WDR72: variants seen among roughly 807,000 people sequenced by gnomAD.
WDR72 encodes WD repeat domain 72.
In WDR72, 120 loss-of-function variants were observed where a neutral mutation model predicts 124.2. The ratio of observed to expected loss-of-function variants is 0.97; its 90% CI spans 0.83 to 1.12. The LOEUF (loss-of-function observed/expected upper bound fraction) is 1.12, where lower values mean the gene tolerates loss of function less well. Ranked by LOEUF, WDR72 falls within the 50% of genes most tolerant of loss-of-function variation. The probability of loss-of-function intolerance (pLI) is 0.00; values close to 1 mark genes in which losing one functional copy is unlikely to be tolerated. For synonymous variants in WDR72, 452 were observed against 441.7 expected (o/e 1.02, Z -0.29); for missense variants, 1,387 against 1,278.8 (o/e 1.08, Z -1.29).
In WDR72 at chr15:53,514,617, T is replaced by C. The variant is rs1393855740; in HGVS notation, c.*3082A>G. 6.6e-6 allele frequency: 1 copy of C among 152,184 alleles called. No homozygotes were observed. Among genetic ancestry groups the C allele is most frequent in the Admixed American group, 6.5e-5 (1 of 15,278 alleles). The allele number at this position is 152,184 out of a possible 1,614,324, so 9.4% of individuals were successfully genotyped here. ...TTAACAAACTGTATTCTACCATTTT[T>C]CTAATACCATCATGTTCAAAGCAGC... On this transcript the variant is annotated 3_prime_UTR_variant, in exon 20 of 20. Coordinates refer to ENST00000360509, the MANE Select transcript of WDR72 (RefSeq NM_182758.4).
chr15:53,757,017 A>G (rs904375060), intron 1 of WDR72, among the ~76,000 whole-genome samples: 2 of 152,092 alleles, frequency 1.3e-5, no homozygotes, highest in Non-Finnish European at 2.9e-5. Flanking sequence ...GAAAAGTTCA[A>G]AGGGGCCCAA....
chr15:53,598,983 G>C (rs2012914409), intron 17 of WDR72, among the ~76,000 whole-genome samples: 1 of 151,972 alleles, frequency 6.6e-6, no homozygotes, highest in Non-Finnish European at 1.5e-5. Flanking sequence ...AATTAGCCTG[G>C]CTTGGTGGTG....
chr15:53,721,756 T>G (rs936899741), intron 3 of WDR72, among the ~76,000 whole-genome samples: 1 of 152,216 alleles, frequency 6.6e-6, no homozygotes, highest in Non-Finnish European at 1.5e-5. Flanking sequence ...TTATCTTGTT[T>G]CAACTAGAAA....
intron 18 of WDR72, among the ~76,000 whole-genome samples, chr15:53,561,516 A>T (rs1399209819): frequency 1.3e-5 from 2 of 151,948 alleles, no homozygotes; most frequent in African/African-American, 4.8e-5. Context: ...CAAATAAAGG[A>T]GGAAAATGAT....
intron 3 of WDR72, among the ~76,000 whole-genome samples, chr15:53,719,442 CAGAG>C (rs2017810317): frequency 6.6e-6 from 1 of 152,090 alleles, no homozygotes; most frequent in Non-Finnish European, 1.5e-5. Context: ...ATTGGAAGCC[CAGAG>C]CGGTTTACTT....
chr15:53,690,135 G>A (rs1227578056), intron 13 of WDR72, among the ~76,000 whole-genome samples: 3 of 151,452 alleles, frequency 2.0e-5, no homozygotes, highest in Non-Finnish European at 4.4e-5. Context: ...GTTAGTGGGT[G>A]CAGCGCACCA....
intron 1 of WDR72, among the ~76,000 whole-genome samples, chr15:53,745,260 T>G (rs1172094602): frequency 6.6e-6 from 1 of 152,192 alleles, no homozygotes; most frequent in Non-Finnish European, 1.5e-5. Context: ...GCATATGGAA[T>G]GAATTGACTG....
rs190635335 is a variant in WDR72 at position 53,625,042 on chromosome 15, T to C, written c.1963-8799A>G. 8.1e-4 allele frequency among the ~76,000 whole-genome samples: 123 copies of C among 152,350 alleles called. 1 individual carries two copies. The East Asian group carries it at 0.021, about 26-fold the overall frequency. On this transcript the variant is annotated intron_variant, in intron 14 of 19. Transcript: ENST00000360509. The stretch of plus-strand genomic sequence containing the variant: ...CAATATATTTCACAGACAAAAAGTC[T>C]ATTAAAAGTAGCATGCTAAAAGCAA...
chr15:53,516,562 CCT>C lies in WDR72; in HGVS notation c.*1135_*1136del, dbSNP rs1891471246. 6.6e-6 allele frequency: 1 copy of C among 151,818 alleles called. No homozygotes were observed. Among genetic ancestry groups the C allele is most frequent in the African/African-American group, 2.4e-5 (1 of 41,348 alleles). The allele number at this position is 151,818 out of a possible 1,614,324, so 9.4% of individuals were successfully genotyped here. ...ATATAGTTCTCTTTTCTAATTTCCCCCTCTCCTGTCCACTGCATCCCACCATA... is the reference window on the plus strand; with the variant it reads ...ATATAGTTCTCTTTTCTAATTTCCCCCTCCTGTCCACTGCATCCCACCATA... On this transcript the variant is annotated 3_prime_UTR_variant, in exon 20 of 20. Coordinates refer to ENST00000360509, the MANE Select transcript of WDR72 (RefSeq NM_182758.4).
At chr15:53,703,158 CTT>C (rs2017236702) in intron 11 of WDR72, among the ~76,000 whole-genome samples, 1 of 152,156 alleles carries the variant, frequency 6.6e-6, no homozygotes, top group African/African-American at 2.4e-5. Flanking sequence ...AAGGGATCCA[CTT>C]GCCTCAGCCT....
intron 16 of WDR72, 54 bp downstream of exon 16, chr15:53,613,612 G>A: frequency 1.8e-6 from 2 of 1,121,288 alleles, no homozygotes; most frequent in African/African-American, 1.7e-5. Flanking sequence ...GACTAGTTAT[G>A]TCCTTTCACA....
intron 4 of WDR72, among the ~76,000 whole-genome samples, chr15:53,716,323 T>A (rs2017706215): frequency 6.6e-6 from 1 of 152,200 alleles, no homozygotes; most frequent in Non-Finnish European, 1.5e-5. Flanking sequence ...TACAAGTATG[T>A]GTATGTTTTG....
chr15:53,540,847 G>A (rs1893071726), intron 18 of WDR72: 1 of 154,592 alleles, frequency 6.5e-6, no homozygotes, highest in Admixed American at 6.5e-5. Flanking sequence ...CCAACGGTCA[G>A]GGAGTTCCCT....
chr15:53,621,574 A>T (rs2013996086), intron 14 of WDR72, among the ~76,000 whole-genome samples: 1 of 151,680 alleles, frequency 6.6e-6, no homozygotes, highest in African/African-American at 2.4e-5. Context: ...TTCACTTATA[A>T]ATGAGAGCTA....
At chr15:53,701,085 G>GT (rs944198918) in intron 12 of WDR72, among the ~76,000 whole-genome samples, 3 of 151,914 alleles carry the variant, frequency 2.0e-5, no homozygotes, top group African/African-American at 7.3e-5. Context: ...GGTTGTTCAT[G>GT]TTTTTTTTAA....
chr15:53,633,678 T>C (rs577135609), intron 14 of WDR72, among the ~76,000 whole-genome samples: 14 of 152,338 alleles, frequency 9.2e-5, no homozygotes, highest in African/African-American at 3.1e-4. Context: ...GTACTGATTT[T>C]AGCACAAGTC....
At chr15:53,524,792 TAATA>T (rs1178799127) in intron 18 of WDR72, among the ~76,000 whole-genome samples, 1 of 152,220 alleles carries the variant, frequency 6.6e-6, no homozygotes, top group African/African-American at 2.4e-5. Context: ...CTATTTTCAA[TAATA>T]AATCTGATCT....
At chr15:53,707,913 A>G (rs1276466772) in intron 9 of WDR72, among the ~76,000 whole-genome samples, 3 of 152,158 alleles carry the variant, frequency 2.0e-5, no homozygotes. Context: ...TTCTGATTTG[A>G]AAAGGAAGCT....
intron 9 of WDR72, 42 bp downstream of exon 9, chr15:53,710,815 G>A: frequency 6.7e-7 from 1 of 1,482,040 alleles, no homozygotes; most frequent in Non-Finnish European, 9.4e-7. Context: ...CCAAGAAACT[G>A]AGTGAAACAG....
Sources: gnomAD v4.1 joint callset for allele counts (sites outside exome capture counted in the v4.1 genomes callset) on GRCh38, gnomAD v4.1.1 for gene constraint, MANE v1.5 for transcripts, NCBI Gene and HGNC (gene_info 2026-07-23, HGNC 2026-07-21) for gene names.